The following SSBP3 variants were observed in gnomAD, a reference collection of about 807,000 sequenced individuals.
SSBP3 encodes the protein single-stranded DNA-binding protein 3.
SSBP3 carries 5 observed loss-of-function variants against 69.6 expected under a neutral mutation model. The observed-to-expected ratio is 0.07, with a 90% CI of 0.04 to 0.15. SSBP3 has a LOEUF of 0.15. Among genes scored for constraint, SSBP3 ranks in the 10% least tolerant of loss-of-function variants. The pLI is 1.00. For synonymous variants in SSBP3, 196 were observed against 193.4 expected, an observed-to-expected ratio of 1.01 and a Z score of -0.11; for missense variants, 312 against 534.0, an observed-to-expected ratio of 0.58 and a Z score of 4.10.
At chr1:54,334,902 T>C (rs556879716) in intron 4 of SSBP3, among the ~76,000 whole-genome samples, 1 of 152,278 alleles carries the variant, frequency 6.6e-6, no homozygotes, top group Non-Finnish European at 1.5e-5. Flanking sequence ...TGAACCCACA[T>C]TGTAGGACTT....
exon 1 of SSBP3, chr1:54,406,182 C>G: frequency 4.2e-6 from 2 of 481,344 alleles, no homozygotes; most frequent in South Asian, 4.0e-5. Context: ...GGCGCTGGCT[C>G]CGCGCTCTTT....
upstream of SSBP3, among the ~76,000 whole-genome samples, chr1:54,406,590 G>A (rs945712895): frequency 5.3e-5 from 8 of 151,968 alleles, no homozygotes; most frequent in African/African-American, 9.6e-5. Flanking sequence ...TGCTCCTGCA[G>A]GCGAACTGGG....
chr1:54,235,989 T>C (rs1158420636), intron 14 of SSBP3, among the ~76,000 whole-genome samples: 1 of 152,260 alleles, frequency 6.6e-6, no homozygotes, highest in Non-Finnish European at 1.5e-5. Context: ...TATGAGGTTT[T>C]GTGGCCCCCT....
intron 4 of SSBP3, among the ~76,000 whole-genome samples, chr1:54,364,254 C>G (rs149213157): frequency 6.6e-6 from 1 of 152,202 alleles, no homozygotes; most frequent in African/African-American, 2.4e-5. Context: ...ACCCACAAAG[C>G]CTGAAATATT....
chr1:54,387,656 A>C (rs1365953656), intron 4 of SSBP3, among the ~76,000 whole-genome samples: 3 of 152,196 alleles, frequency 2.0e-5, no homozygotes, highest in Non-Finnish European at 4.4e-5. Flanking sequence ...CCAACTCTTT[A>C]ATCTAATTGA....
intron 17 of SSBP3, among the ~76,000 whole-genome samples, chr1:54,227,817 G>A (rs961672107): frequency 1.1e-4 from 17 of 152,180 alleles, no homozygotes; most frequent in African/African-American, 3.4e-4. Context: ...CTTGAAAGCT[G>A]CTTAATCATA....
chr1:54,230,958 T>C (rs1349007966), intron 14 of SSBP3, among the ~76,000 whole-genome samples: 2 of 152,186 alleles, frequency 1.3e-5, no homozygotes. Flanking sequence ...CTATTATGAC[T>C]AATGACACTG....
intron 4 of SSBP3, among the ~76,000 whole-genome samples, chr1:54,395,894 C>CA (rs1648828422): frequency 6.6e-6 from 1 of 151,882 alleles, no homozygotes; most frequent in Non-Finnish European, 1.5e-5. Flanking sequence ...GCCAAGGCTA[C>CA]AAAAAACCCC....
At chr1:54,285,604 C>T (rs1333989240) in intron 4 of SSBP3, 1 of 152,168 alleles carries the variant, frequency 6.6e-6, no homozygotes, top group African/African-American at 2.4e-5. Flanking sequence ...CAGAGACCTG[C>T]TCAAAGCTGA....
chr1:54,344,354 GCA>G (rs1379604053), intron 4 of SSBP3, among the ~76,000 whole-genome samples: 1 of 152,218 alleles, frequency 6.6e-6, no homozygotes, highest in Admixed American at 6.5e-5. Context: ...GCTATGCACT[GCA>G]CACAGTCTTG....
chr1:54,265,287 G>A (rs1042047470), intron 5 of SSBP3, among the ~76,000 whole-genome samples: 42 of 152,196 alleles, frequency 2.8e-4, no homozygotes, highest in Admixed American at 1.7e-3. Context: ...GCATGGCTTG[G>A]AGAGGGGTTG....
chr1:54,388,271 G>T (rs1648228769), intron 4 of SSBP3, among the ~76,000 whole-genome samples: 1 of 152,282 alleles, frequency 6.6e-6, no homozygotes, highest in Non-Finnish European at 1.5e-5. Context: ...AAGGTAGAGT[G>T]GGGCTCTGGG....
intron 4 of SSBP3, among the ~76,000 whole-genome samples, chr1:54,291,146 C>T (rs1645599040): frequency 7.8e-6 from 1 of 127,454 alleles, no homozygotes; most frequent in African/African-American, 2.8e-5. Flanking sequence ...AAACCACCCG[C>T]TTCTAGAAAC....
chr1:54,279,693 C>T (rs1323389408), intron 5 of SSBP3, among the ~76,000 whole-genome samples: 3 of 152,206 alleles, frequency 2.0e-5, no homozygotes, highest in African/African-American at 2.4e-5. Flanking sequence ...CTGGACAGAA[C>T]GCCAGTGGGA....
chr1:54,339,208 G>A (rs1646563599), intron 4 of SSBP3, among the ~76,000 whole-genome samples: 1 of 152,278 alleles, frequency 6.6e-6, no homozygotes, highest in Non-Finnish European at 1.5e-5. Context: ...GGAGAAGGGG[G>A]TCTTATCTTA....
chr1:54,275,174 G>T (rs146859827), intron 5 of SSBP3, among the ~76,000 whole-genome samples: 1 of 152,154 alleles, frequency 6.6e-6, no homozygotes, highest in Non-Finnish European at 1.5e-5. Flanking sequence ...TACACACCAC[G>T]TCTGACCGAG....
At chr1:54,239,297 C>A in intron 13 of SSBP3, 98 bp from the exon 14 acceptor site, 1 of 929,842 alleles carries the variant, frequency 1.1e-6, no homozygotes, top group Non-Finnish European at 1.6e-6. Context: ...TATTTTATAA[C>A]CTAAAATTTC....
intron 4 of SSBP3, chr1:54,286,275 T>C (rs1484693419): frequency 1.3e-5 from 2 of 152,196 alleles, no homozygotes; most frequent in African/African-American, 2.4e-5. Context: ...TTTGGTAACA[T>C]GCACTTTAAA....
intron 9 of SSBP3, among the ~76,000 whole-genome samples, chr1:54,245,752 C>T (rs2100677435): frequency 6.6e-6 from 1 of 152,318 alleles, no homozygotes; most frequent in South Asian, 2.1e-4. Context: ...GGGGCCAAGC[C>T]CACTCTACCA....
Sources: gnomAD v4.1 joint callset for allele counts (sites outside exome capture counted in the v4.1 genomes callset) on GRCh38, gnomAD v4.1.1 for gene constraint, MANE v1.5 for transcripts, NCBI Gene and HGNC (gene_info 2026-07-23, HGNC 2026-07-21) for gene names.